SEH1L: variants seen among roughly 807,000 people sequenced by gnomAD.
SEH1L encodes SEH1 like nucleoporin, also known as nucleoporin SEH1.
In SEH1L, 18 loss-of-function variants were observed where a neutral mutation model predicts 49.5. That is an observed-to-expected ratio of 0.36 (90% confidence interval 0.25 to 0.54). SEH1L has a LOEUF of 0.54. Ranked by LOEUF, SEH1L falls within the 20% of genes least tolerant of loss-of-function variation. The pLI, the probability that SEH1L is intolerant of heterozygous loss-of-function variation, is 0.87. For missense variants in SEH1L, 404 were observed against 528.8 expected (o/e 0.76, Z 2.31); for synonymous variants, 169 against 178.1 (o/e 0.95, Z 0.41).
intron 4 of SEH1L, among the ~76,000 whole-genome samples, chr18:12,970,039 CTTAA>C (rs1244099337): frequency 6.6e-6 from 1 of 152,130 alleles, no homozygotes; most frequent in Non-Finnish European, 1.5e-5. Flanking sequence ...TGGTACTTTT[CTTAA>C]TTAGATAATT....
At chr18:12,962,478 T>C (rs1322129492) in intron 3 of SEH1L, among the ~76,000 whole-genome samples, 3 of 134,338 alleles carry the variant, frequency 2.2e-5, no homozygotes, top group Admixed American at 2.2e-4. Context: ...TTTTTTTTTT[T>C]TTTTTTTGAG....
At chr18:12,962,986 A>G (rs1053856779) in intron 3 of SEH1L, among the ~76,000 whole-genome samples, 174 bp from the exon 4 acceptor site, 1 of 151,992 alleles carries the variant, frequency 6.6e-6, no homozygotes, top group Non-Finnish European at 1.5e-5. Flanking sequence ...CCAGCTATAT[A>G]TGTGGTATTT....
intron 2 of SEH1L, among the ~76,000 whole-genome samples, chr18:12,953,626 T>G (rs1438236435): frequency 6.6e-6 from 1 of 152,262 alleles, no homozygotes; most frequent in Non-Finnish European, 1.5e-5. Flanking sequence ...ACCATTCATG[T>G]ATCTTCTTTT....
chr18:12,950,872 T>A (rs2145601557), intron 1 of SEH1L, among the ~76,000 whole-genome samples: 1 of 152,206 alleles, frequency 6.6e-6, no homozygotes, highest in South Asian at 2.1e-4. Context: ...CAGGCTGGAG[T>A]GCAGTGGCTA....
chr18:12,971,881 G>C lies in SEH1L; in HGVS notation c.620+630G>C, dbSNP rs2031719806. 3.3e-5 allele frequency: 5 copies of C among 152,300 alleles called. No individual in the cohort carries two copies. The South Asian group carries it at 1.0e-3, about 32-fold the overall frequency. The allele number at this position is 152,300 out of a possible 1,614,324, so 9.4% of individuals were successfully genotyped here. On this transcript the variant is annotated intron_variant, in intron 5 of 8. Coordinates refer to ENST00000399892, the MANE Select transcript of SEH1L (RefSeq NM_001013437.2). ...AGAAGCACTCCTGGTGGAGAAAACT[G>C]CATGTGGTAAGGCCGTGAGCAAGAG...
intron 3 of SEH1L, among the ~76,000 whole-genome samples, chr18:12,956,917 A>G (rs1424770045): frequency 2.0e-5 from 3 of 152,168 alleles, no homozygotes; most frequent in African/African-American, 7.2e-5. Context: ...AATACAAAAA[A>G]TTAGCCCGGC....
chr18:12,987,306 T>TA lies in SEH1L; in HGVS notation c.*250dup, dbSNP rs2145677892. 3.3e-6 allele frequency: 1 copy of TA among 300,276 alleles called. No homozygotes were observed. Among genetic ancestry groups the TA allele is most frequent in the East Asian group, 5.9e-5 (1 of 16,860 alleles). 18.6% of individuals were successfully genotyped at this position (300,276 alleles called of 1,614,324 possible). On this transcript the variant is annotated 3_prime_UTR_variant, in exon 9 of 9. Coordinates refer to ENST00000399892, the MANE Select transcript of SEH1L (RefSeq NM_001013437.2). ...GTCCAAGTAACGTTAACTGTGAAGTTACACACAGTAGCTGACTTCAAAGTG... is the reference window on the plus strand; with the variant it reads ...GTCCAAGTAACGTTAACTGTGAAGTTAACACACAGTAGCTGACTTCAAAGTG...
Position 12,987,064 on chromosome 18 carries a change from G to C in SEH1L, c.*7G>C. On this transcript the variant is annotated 3_prime_UTR_variant, in exon 9 of 9. Transcript: ENST00000399892. ...TGAGAATGAAGGGATTTAAAACACT[G>C]ATTTAACATTGAAAGGCCTTATTCA... 1 of 1,564,604 alleles carries C rather than the reference G, an allele frequency of 6.4e-7. No individual in the cohort carries two copies. The highest frequency in any genetic ancestry group is 1.1e-5 in the South Asian group (1 of 87,478).
intron 1 of SEH1L, among the ~76,000 whole-genome samples, chr18:12,949,332 A>G (rs555614584): frequency 5.9e-5 from 9 of 151,794 alleles, no homozygotes; most frequent in East Asian, 1.9e-4. Context: ...CGAGTTTGAT[A>G]CCAGTGATCT....
intron 7 of SEH1L, among the ~76,000 whole-genome samples, chr18:12,983,792 C>T (rs919781350): frequency 1.3e-5 from 2 of 152,156 alleles, no homozygotes; most frequent in Non-Finnish European, 2.9e-5. Flanking sequence ...TTGCTAGTAT[C>T]TGTAAGATGG....
chr18:12,958,167 T>C (rs2030994120), intron 3 of SEH1L, among the ~76,000 whole-genome samples: 1 of 135,894 alleles, frequency 7.4e-6, no homozygotes, highest in Admixed American at 8.7e-5. Context: ...TACTGCATTC[T>C]CCGCCTCCGG....
chr18:12,982,314 C>T (rs1047820803), intron 6 of SEH1L, among the ~76,000 whole-genome samples: 5 of 152,096 alleles, frequency 3.3e-5, no homozygotes, highest in Middle Eastern at 3.4e-3. Flanking sequence ...CAGGTCTTGG[C>T]GAGTTAAATG....
chr18:12,979,643 G>A (rs368838181), intron 6 of SEH1L, among the ~76,000 whole-genome samples: 18,019 of 150,552 alleles, frequency 0.12, 1,269 homozygotes, highest in African/African-American at 0.24. Flanking sequence ...CAGTAGGGGC[G>A]GCCGGGCAGA....
chr18:12,956,056 T>G (rs931331540), intron 3 of SEH1L, among the ~76,000 whole-genome samples: 3 of 151,672 alleles, frequency 2.0e-5, no homozygotes, highest in African/African-American at 7.3e-5. Context: ...ATTCTTTTTT[T>G]TTTTTTTAGA....
intron 2 of SEH1L, among the ~76,000 whole-genome samples, chr18:12,954,428 T>C (rs2030731541): frequency 6.6e-6 from 1 of 152,220 alleles, no homozygotes; most frequent in Non-Finnish European, 1.5e-5. Context: ...ATTTAAGCAT[T>C]CTATGGCTAT....
chr18:12,981,357 G>T (rs1032693638), intron 6 of SEH1L, among the ~76,000 whole-genome samples: 2 of 152,078 alleles, frequency 1.3e-5, no homozygotes, highest in African/African-American at 4.8e-5. Context: ...GCAGGCAGCT[G>T]GGAGGTGGAG....
chr18:12,968,937 A>C (rs2145636949), intron 4 of SEH1L, among the ~76,000 whole-genome samples: 1 of 152,316 alleles, frequency 6.6e-6, no homozygotes, highest in East Asian at 1.9e-4. Flanking sequence ...TTTTAAGGCC[A>C]GGTGGGGTGG....
chr18:12,965,715 T>C (rs1310445490), intron 4 of SEH1L, among the ~76,000 whole-genome samples: 1 of 152,238 alleles, frequency 6.6e-6, no homozygotes, highest in African/African-American at 2.4e-5. Flanking sequence ...TTTGCGTTAT[T>C]ATTCTGAGCT....
intron 7 of SEH1L, among the ~76,000 whole-genome samples, chr18:12,983,800 T>G (rs189258574): frequency 4.3e-4 from 66 of 152,336 alleles, no homozygotes; most frequent in South Asian, 3.5e-3. Context: ...ATCTGTAAGA[T>G]GGGTGGTGAA....
Sources: allele counts gnomAD v4.1 joint callset (sites outside exome capture counted in the v4.1 genomes callset), GRCh38; gene constraint gnomAD v4.1.1; transcripts MANE v1.5; gene names NCBI Gene and HGNC (gene_info 2026-07-23, HGNC 2026-07-21).